Variants in NELL2 observed in about 807,000 individuals in gnomAD.
NELL2 encodes the protein neural EGFL like 2.
NELL2 carries 41 observed loss-of-function variants against 109.6 expected under a neutral mutation model. The ratio of observed to expected loss-of-function variants is 0.37; its 90% CI spans 0.29 to 0.49. The LOEUF (loss-of-function observed/expected upper bound fraction) is 0.49, where lower values mean the gene tolerates loss of function less well. Among genes scored for constraint, NELL2 ranks in the 20% least tolerant of loss-of-function variants. The pLI, the probability that NELL2 is intolerant of heterozygous loss-of-function variation, is 0.98. For synonymous variants in NELL2, 355 were observed against 344.7 expected (o/e 1.03, Z -0.33); for missense variants, 900 against 1,008.3 (o/e 0.89, Z 1.45).
chr12:44,659,514 C>T (rs1298996554), intron 13 of NELL2, among the ~76,000 whole-genome samples: 5 of 152,026 alleles, frequency 3.3e-5, no homozygotes, highest in Non-Finnish European at 1.5e-5. Context: ...TAAAAGCAAA[C>T]AACTCCATCA....
chr12:44,617,707 A>AAAAAAAAAAAAAAAAAAC, intron 13 of NELL2, among the ~76,000 whole-genome samples: 1 of 103,506 alleles, frequency 9.7e-6, no homozygotes, highest in East Asian at 2.1e-4. Flanking sequence ...AAAAAAAAAA[A>AAAAAAAAAAAAAAAAAAC]AAAAAAGAAA....
chr12:44,842,973 C>A (rs1944271539), intron 2 of NELL2, among the ~76,000 whole-genome samples: 1 of 152,116 alleles, frequency 6.6e-6, no homozygotes, highest in Non-Finnish European at 1.5e-5. Context: ...CTTGCAAACA[C>A]CTTGATTTCA....
chr12:44,842,158 G>A lies in NELL2; in HGVS notation c.185-26022C>T, dbSNP rs1944250537. Among the ~76,000 whole-genome samples, 5 of 133,416 alleles carry A rather than the reference G, an allele frequency of 3.7e-5. 1 individual carries two copies. The South Asian group carries it at 1.2e-3, about 33-fold the overall frequency. 87.5% of individuals were successfully genotyped at this position (133,416 alleles called of 152,430 possible). The stretch of plus-strand genomic sequence containing the variant: ...AAGGAAAGGGAAAGAAGGAAGAGAC[G>A]AAAGGGAAGGGAAGAAGGAAGTAAG... On this transcript the variant is annotated intron_variant, in intron 2 of 19. Transcript: ENST00000429094.
chr12:44,523,226 C>T (rs1386889716), intron 17 of NELL2, 65 bp downstream of exon 17: 5 of 1,528,642 alleles, frequency 3.3e-6, no homozygotes. Flanking sequence ...AAGCCATATA[C>T]ACACTTAAAA....
intron 15 of NELL2, among the ~76,000 whole-genome samples, chr12:44,602,696 C>T (rs1488091795): frequency 6.6e-6 from 1 of 151,994 alleles, no homozygotes; most frequent in African/African-American, 2.4e-5. Flanking sequence ...CATGTCCCAA[C>T]TGTTCTGAGA....
At chr12:44,920,496 T>C (rs1056527958) in intron 1 of NELL2, among the ~76,000 whole-genome samples, 1 of 152,216 alleles carries the variant, frequency 6.6e-6, no homozygotes, top group African/African-American at 2.4e-5. Context: ...GGTTTCCTAA[T>C]GTAGTCTCAT....
intron 13 of NELL2, among the ~76,000 whole-genome samples, chr12:44,621,857 T>C (rs1404798943): frequency 6.6e-6 from 1 of 152,134 alleles, no homozygotes; most frequent in East Asian, 1.9e-4. Flanking sequence ...ATGCCTTTCA[T>C]AGAGTTGTGA....
chr12:44,606,396 GA>G (rs1945401816), intron 15 of NELL2, among the ~76,000 whole-genome samples: 1 of 152,114 alleles, frequency 6.6e-6, no homozygotes, highest in African/African-American at 2.4e-5. Context: ...GCCAGTGGCA[GA>G]AGCTTTCTTT....
intron 15 of NELL2, among the ~76,000 whole-genome samples, chr12:44,540,653 T>C (rs1327252786): frequency 6.6e-6 from 1 of 151,926 alleles, no homozygotes; most frequent in East Asian, 1.9e-4. Flanking sequence ...TAAATATCTG[T>C]GGGAAACTAA....
Position 44,522,048 on chromosome 12 carries a change from A to G in NELL2, c.2127T>C (p.Tyr709=). 1 of 1,614,088 alleles carries G rather than the reference A, an allele frequency of 6.2e-7. No homozygotes were observed. The highest frequency in any genetic ancestry group is 8.5e-7 in the Non-Finnish European group (1 of 1,180,014). ...TCTGGACCCAGGTGTCACCACTGTT[A>G]TACAAAGTTTCCCCATTTTGATGGA... ...QCLHQNGETL[Y]NSGDTWVQNC... Residue 709 remains tyrosine (Y), a synonymous_variant, in exon 18 of 20, where the codon TAT becomes TAC. Coordinates refer to ENST00000429094, the MANE Select transcript of NELL2 (RefSeq NM_001145108.2).
At chr12:44,613,354 C>T (rs1384056875) in intron 13 of NELL2, among the ~76,000 whole-genome samples, 2 of 152,030 alleles carry the variant, frequency 1.3e-5, no homozygotes, top group Non-Finnish European at 2.9e-5. Context: ...TTTAAACATT[C>T]AAAGAAGGTT....
At chr12:44,524,645 T>A (rs894512308) in intron 16 of NELL2, among the ~76,000 whole-genome samples, 3 of 152,204 alleles carry the variant, frequency 2.0e-5, no homozygotes, top group African/African-American at 4.8e-5. Flanking sequence ...CTGCCATATA[T>A]GTATTCCTGA....
Position 44,618,633 on chromosome 12 carries a change from T to C in NELL2, c.1445-7663A>G, listed in dbSNP as rs564121696. Among the ~76,000 whole-genome samples the C allele has an allele frequency of 1.8e-4, 28 of 152,318 alleles. No individual in the cohort carries two copies. In the East Asian group the frequency reaches 2.1e-3, roughly 12 times the overall value. ...TGATTTTAAGGTTTCAGCTATATCA[T>C]TCTAGTGCTCTGGAGAGTGCAAAGA... On this transcript the variant is annotated intron_variant, in intron 13 of 19. Coordinates refer to ENST00000429094, the MANE Select transcript of NELL2 (RefSeq NM_001145108.2).
At chr12:44,747,990 C>T (rs73277251) in intron 9 of NELL2, among the ~76,000 whole-genome samples, 4,125 of 152,190 alleles carry the variant, frequency 0.027, 187 homozygotes, top group African/African-American at 0.093. Flanking sequence ...GCATCAGAGT[C>T]CAGGCTTTTA....
chr12:44,879,346 G>T (rs1029239514), upstream of NELL2, among the ~76,000 whole-genome samples: 1 of 152,106 alleles, frequency 6.6e-6, no homozygotes, highest in Non-Finnish European at 1.5e-5. Context: ...GTGGTAGTTG[G>T]TTACAGCATC....
At chr12:44,813,804 A>C (rs1943251782) in intron 3 of NELL2, among the ~76,000 whole-genome samples, 1 of 152,180 alleles carries the variant, frequency 6.6e-6, no homozygotes, top group African/African-American at 2.4e-5. Flanking sequence ...AACAATAAAT[A>C]TTATTTTCAA....
At chr12:44,685,499 C>A (rs1948682997) in intron 12 of NELL2, among the ~76,000 whole-genome samples, 3 of 151,982 alleles carry the variant, frequency 2.0e-5, no homozygotes, top group South Asian at 4.2e-4. Context: ...GATGCAGTTT[C>A]TTCCTAGTCT....
At chr12:44,747,840 T>C (rs1002735516) in intron 9 of NELL2, among the ~76,000 whole-genome samples, 3 of 152,272 alleles carry the variant, frequency 2.0e-5, no homozygotes, top group African/African-American at 7.2e-5. Flanking sequence ...AAATGGGACT[T>C]GTATGAATTT....
intron 1 of NELL2, among the ~76,000 whole-genome samples, chr12:44,885,311 A>G (rs949067592): frequency 2.6e-5 from 4 of 151,940 alleles, no homozygotes; most frequent in African/African-American, 9.7e-5. Context: ...AATTAAAAAG[A>G]AATAAAAGTT....
Sources: gnomAD v4.1 joint callset for allele counts (sites outside exome capture counted in the v4.1 genomes callset) on GRCh38, gnomAD v4.1.1 for gene constraint, MANE v1.5 for transcripts, NCBI Gene and HGNC (gene_info 2026-07-23, HGNC 2026-07-21) for gene names.